SPATA16: variants seen among roughly 807,000 people sequenced by gnomAD.
SPATA16 encodes spermatogenesis associated 16.
SPATA16 carries 36 observed loss-of-function variants against 63.3 expected under a neutral mutation model. The observed-to-expected ratio is 0.57, with a 90% CI of 0.44 to 0.75. SPATA16 has a LOEUF of 0.75. Ranked by LOEUF, SPATA16 falls within the 30% of genes least tolerant of loss-of-function variation. SPATA16 has a pLI of 0.00. For missense variants in SPATA16, 646 were observed against 679.3 expected (o/e 0.95, Z 0.54); for synonymous variants, 203 against 216.7 (o/e 0.94, Z 0.56).
At chr3:173,125,609 G>GT (rs1738205940) in intron 1 of SPATA16, among the ~76,000 whole-genome samples, 1 of 152,138 alleles carries the variant, frequency 6.6e-6, no homozygotes, top group Non-Finnish European at 1.5e-5. Flanking sequence ...TTTCCACTGT[G>GT]TTTTTTATGT....
intron 1 of SPATA16, among the ~76,000 whole-genome samples, chr3:173,125,672 CTAGAG>C (rs146149316): frequency 0.011 from 1,634 of 152,316 alleles, 27 homozygotes; most frequent in African/African-American, 0.037. Flanking sequence ...CTCTGATGAA[CTAGAG>C]TAATCAGCCC....
intron 4 of SPATA16, among the ~76,000 whole-genome samples, chr3:173,003,020 T>C (rs928596074): frequency 2.0e-5 from 3 of 152,124 alleles, no homozygotes; most frequent in Admixed American, 6.5e-5. Context: ...AACTCAAACA[T>C]TGAAAATCAT....
chr3:173,133,740 A>G (rs1738449162), intron 1 of SPATA16, among the ~76,000 whole-genome samples: 1 of 152,254 alleles, frequency 6.6e-6, no homozygotes, highest in African/African-American at 2.4e-5. Context: ...GGGAAATTGT[A>G]ACACAACTCT....
intron 4 of SPATA16, among the ~76,000 whole-genome samples, chr3:172,999,111 T>G (rs1367273256): frequency 6.6e-6 from 1 of 152,212 alleles, no homozygotes; most frequent in Non-Finnish European, 1.5e-5. Flanking sequence ...TGTGAAAAAT[T>G]TGTATAATTT....
chr3:173,071,046 G>C (rs1736663507), intron 2 of SPATA16, among the ~76,000 whole-genome samples: 1 of 152,110 alleles, frequency 6.6e-6, no homozygotes, highest in South Asian at 2.1e-4. Flanking sequence ...ACGCCATATT[G>C]CCTGCCTTCA....
At chr3:173,056,872 ACTT>A (rs1020122203) in intron 2 of SPATA16, among the ~76,000 whole-genome samples, 2 of 151,994 alleles carry the variant, frequency 1.3e-5, no homozygotes, top group African/African-American at 4.8e-5. Context: ...ATTTAAAATA[ACTT>A]CTTATGTTGA....
chr3:173,049,201 T>C, intron 2 of SPATA16, 107 bp from the exon 3 acceptor site: 1 of 1,278,208 alleles, frequency 7.8e-7, no homozygotes, highest in South Asian at 1.4e-5. Context: ...TTGCTTATGC[T>C]TGCTTATATG....
chr3:173,033,063 C>T (rs1319178704), intron 3 of SPATA16, among the ~76,000 whole-genome samples: 1 of 152,150 alleles, frequency 6.6e-6, no homozygotes, highest in African/African-American at 2.4e-5. Flanking sequence ...CACAATCTTA[C>T]AGTTTCTACC....
At chr3:173,120,079 C>T (rs1292484954) in intron 1 of SPATA16, among the ~76,000 whole-genome samples, 2 of 147,096 alleles carry the variant, frequency 1.4e-5, no homozygotes, top group African/African-American at 5.2e-5. Context: ...AAGAGCGAAA[C>T]TCCATCTCAA....
intron 4 of SPATA16, among the ~76,000 whole-genome samples, chr3:173,001,157 G>A (rs189063492): frequency 8.5e-5 from 13 of 152,194 alleles, no homozygotes; most frequent in Admixed American, 7.2e-4. Flanking sequence ...AGACTACGAC[G>A]AGTAATGTAG....
chr3:173,029,856 C>T (rs1038550807), intron 3 of SPATA16, among the ~76,000 whole-genome samples: 1 of 152,050 alleles, frequency 6.6e-6, no homozygotes, highest in East Asian at 1.9e-4. Context: ...TGGTTTACTG[C>T]AGCCTCAACC....
chr3:173,006,971 C>T (rs919785066), intron 4 of SPATA16, among the ~76,000 whole-genome samples: 35 of 152,178 alleles, frequency 2.3e-4, no homozygotes, highest in African/African-American at 8.2e-4. Context: ...TTTAATGTGT[C>T]TCGTCTTAGG....
chr3:173,034,584 T>C (rs1735674371), intron 3 of SPATA16, among the ~76,000 whole-genome samples: 1 of 152,194 alleles, frequency 6.6e-6, no homozygotes, highest in Non-Finnish European at 1.5e-5. Flanking sequence ...ATTCCTACGC[T>C]TTATGACATT....
intron 2 of SPATA16, among the ~76,000 whole-genome samples, chr3:173,085,480 T>C (rs1332448038): frequency 6.6e-6 from 1 of 152,170 alleles, no homozygotes; most frequent in Non-Finnish European, 1.5e-5. Context: ...TGACTTCCTC[T>C]CTTCCTATTT....
At chr3:172,932,394 G>C (rs1299374171) in intron 6 of SPATA16, among the ~76,000 whole-genome samples, 1 of 152,010 alleles carries the variant, frequency 6.6e-6, no homozygotes, top group Non-Finnish European at 1.5e-5. Context: ...TGACATTTAG[G>C]TTAAAGCAAA....
At chr3:172,948,454 C>CT (rs957475591) in intron 6 of SPATA16, among the ~76,000 whole-genome samples, 5 of 151,974 alleles carry the variant, frequency 3.3e-5, no homozygotes, top group Non-Finnish European at 7.4e-5. Context: ...TACTTTTTCT[C>CT]TTTTTTTCTT....
At chr3:172,988,780 G>A (rs1195045350) in intron 4 of SPATA16, among the ~76,000 whole-genome samples, 1 of 152,092 alleles carries the variant, frequency 6.6e-6, no homozygotes, top group Non-Finnish European at 1.5e-5. Flanking sequence ...GAGATTACAA[G>A]TGCCCACCAT....
In SPATA16 at chr3:173,075,884, A is replaced by C. The variant is rs1237145829; in HGVS notation, c.613-26790T>G. On this transcript the variant is annotated intron_variant, in intron 2 of 10. Coordinates refer to ENST00000351008, the MANE Select transcript of SPATA16 (RefSeq NM_031955.6). ...CAATAGGATGACTATAATTAATAAT[A>C]CTTTATTGTATATTTCAGAATTACT... Among the ~76,000 whole-genome samples, 5 of 152,304 alleles carry C rather than the reference A, an allele frequency of 3.3e-5. No individual in the cohort carries two copies. The South Asian group carries it at 6.2e-4, about 19-fold the overall frequency.
chr3:172,913,188 G>T (rs1340491260), intron 10 of SPATA16, among the ~76,000 whole-genome samples: 1 of 152,142 alleles, frequency 6.6e-6, no homozygotes, highest in Non-Finnish European at 1.5e-5. Context: ...AACCCCAGTA[G>T]CCAATGATGG....
Sources: allele counts gnomAD v4.1 joint callset (sites outside exome capture counted in the v4.1 genomes callset), GRCh38; gene constraint gnomAD v4.1.1; transcripts MANE v1.5; gene names NCBI Gene and HGNC (gene_info 2026-07-23, HGNC 2026-07-21).